NRXN3: variants seen among roughly 807,000 people sequenced by gnomAD.
NRXN3 encodes the protein neurexin 3, also known as neurexin III.
In NRXN3, 32 loss-of-function variants were observed where a neutral mutation model predicts 137.6. That is an observed-to-expected ratio of 0.23 (90% CI 0.18 to 0.31). The LOEUF (loss-of-function observed/expected upper bound fraction) is 0.31, where lower values mean the gene tolerates loss of function less well. Among genes scored for constraint, NRXN3 ranks in the 10% least tolerant of loss-of-function variants. The pLI is 1.00. For missense variants in NRXN3, 1,574 were observed against 2,062.5 expected, an observed-to-expected ratio of 0.76 and a Z score of 4.59; for synonymous variants, 798 against 784.5, an observed-to-expected ratio of 1.02 and a Z score of -0.29.
chr14:79,137,125 T>C (rs2058316284), intron 15 of NRXN3, among the ~76,000 whole-genome samples: 1 of 152,242 alleles, frequency 6.6e-6, no homozygotes, highest in Non-Finnish European at 1.5e-5. Flanking sequence ...GGATTCTGCA[T>C]GCTGCCTGCT....
intron 10 of NRXN3, among the ~76,000 whole-genome samples, chr14:78,832,652 G>T (rs961901596): frequency 6.6e-6 from 1 of 152,106 alleles, no homozygotes; most frequent in African/African-American, 2.4e-5. Flanking sequence ...TCAAAGGCAG[G>T]CACCATTGTA....
intron 15 of NRXN3, among the ~76,000 whole-genome samples, chr14:79,327,948 T>C (rs1287100454): frequency 6.6e-5 from 10 of 152,212 alleles, no homozygotes. Flanking sequence ...TTTTTCTTGA[T>C]ATCTTTCCCT....
chr14:78,249,338 G>C (rs939287820), intron 2 of NRXN3, among the ~76,000 whole-genome samples: 10 of 152,232 alleles, frequency 6.6e-5, no homozygotes, highest in Admixed American at 6.5e-5. Flanking sequence ...ATTTGCATTT[G>C]GTAATGAGAT....
rs76916229 is a variant in NRXN3 at position 79,458,035 on chromosome 14, T to C, written c.3263-9186T>C. Among the ~76,000 whole-genome samples, 421 of 152,292 alleles carry C rather than the reference T, an allele frequency of 2.8e-3. 4 individuals are homozygous for C. The highest frequency in any genetic ancestry group is 9.9e-3 in the African/African-American group (410 of 41,580). On this transcript the variant is annotated intron_variant, in intron 15 of 20. Coordinates refer to ENST00000335750, the MANE Select transcript of NRXN3 (RefSeq NM_001330195.2). ...TATTTTGCTTATGAACAAATGTATA[T>C]ATGGTCTTTGCTTTTAGTTAATGCT...
intron 16 of NRXN3, among the ~76,000 whole-genome samples, chr14:79,663,245 C>T (rs751419983): frequency 7.5e-5 from 11 of 146,290 alleles, no homozygotes; most frequent in South Asian, 6.4e-4. Flanking sequence ...TGTGTGTGTA[C>T]GCGTGTGTGT....
intron 16 of NRXN3, among the ~76,000 whole-genome samples, chr14:79,623,654 G>C (rs1019444170): frequency 6.6e-5 from 10 of 152,094 alleles, no homozygotes; most frequent in Non-Finnish European, 1.3e-4. Context: ...GCTTTTAAAG[G>C]AATGACAACT....
At chr14:78,813,829 GA>G (rs1276031580) in intron 10 of NRXN3, among the ~76,000 whole-genome samples, 2 of 152,064 alleles carry the variant, frequency 1.3e-5, no homozygotes, top group Non-Finnish European at 1.5e-5. Context: ...ATCTTGAGGG[GA>G]AAAAAAGCAG....
At chr14:79,638,571 G>A (rs886732803) in intron 16 of NRXN3, among the ~76,000 whole-genome samples, 19 of 152,036 alleles carry the variant, frequency 1.2e-4, no homozygotes, top group South Asian at 4.2e-4. Flanking sequence ...GTAATGATTA[G>A]GTATTTATAC....
At chr14:78,728,829 G>A (rs1595250146) in intron 8 of NRXN3, among the ~76,000 whole-genome samples, 1 of 152,182 alleles carries the variant, frequency 6.6e-6, no homozygotes, top group Admixed American at 6.5e-5. Context: ...AACCCAGGAG[G>A]CGGAGGTTGC....
chr14:79,251,794 T>C (rs528518637), intron 15 of NRXN3, among the ~76,000 whole-genome samples: 28 of 152,156 alleles, frequency 1.8e-4, no homozygotes, highest in African/African-American at 6.5e-4. Flanking sequence ...TTTTTCTCTC[T>C]TTTATTCTCT....
intron 15 of NRXN3, among the ~76,000 whole-genome samples, chr14:79,232,250 G>A (rs1205020789): frequency 4.6e-5 from 7 of 152,022 alleles, no homozygotes; most frequent in Admixed American, 1.3e-4. Flanking sequence ...CTTTGTGTGT[G>A]TGCGCGCGCA....
At chr14:79,318,203 T>C (rs2089276990) in intron 15 of NRXN3, among the ~76,000 whole-genome samples, 1 of 152,210 alleles carries the variant, frequency 6.6e-6, no homozygotes, top group Non-Finnish European at 1.5e-5. Context: ...TCAAGCATTT[T>C]CAAGAACATG....
chr14:78,634,823 T>G (rs1189308889), intron 4 of NRXN3, among the ~76,000 whole-genome samples: 3 of 152,174 alleles, frequency 2.0e-5, no homozygotes, highest in African/African-American at 7.2e-5. Context: ...TAGTGATCAC[T>G]ATATAGCTAT....
At chr14:78,208,574 A>C (rs1293149275) in intron 1 of NRXN3, among the ~76,000 whole-genome samples, 1 of 152,154 alleles carries the variant, frequency 6.6e-6, no homozygotes, top group African/African-American at 2.4e-5. Context: ...TCCCTGAGCT[A>C]CTTCTGTGCC....
intron 1 of NRXN3, among the ~76,000 whole-genome samples, chr14:78,172,659 GA>G (rs1308259773): frequency 6.6e-6 from 1 of 152,100 alleles, no homozygotes; most frequent in African/African-American, 2.4e-5. Context: ...GGAAGGGGGG[GA>G]AAAGGCTGGA....
At chr14:78,873,655 C>T (rs2099106623) in intron 10 of NRXN3, among the ~76,000 whole-genome samples, 1 of 152,130 alleles carries the variant, frequency 6.6e-6, no homozygotes, top group African/African-American at 2.4e-5. Flanking sequence ...AAAACAGCAG[C>T]AAAAGCATAT....
Position 79,105,799 on chromosome 14 carries a change from T to C in NRXN3, c.3262+117658T>C, listed in dbSNP as rs79974754. Among the ~76,000 whole-genome samples, 962 of 152,266 alleles carry C rather than the reference T, an allele frequency of 6.3e-3. 4 individuals carry two copies. The highest frequency in any genetic ancestry group is 0.01 in the Non-Finnish European group (692 of 68,010). Reference sequence around the variant, plus strand: ...GAGAGAATGTCAAAGGTACTGGGCCTGGGGCAGGTTCACAAGAGTGAAAGT... The same window carrying C: ...GAGAGAATGTCAAAGGTACTGGGCCCGGGGCAGGTTCACAAGAGTGAAAGT... On this transcript the variant is annotated intron_variant, in intron 15 of 20. Transcript: ENST00000335750.
At chr14:79,356,260 C>T (rs767134872) in intron 15 of NRXN3, among the ~76,000 whole-genome samples, 2 of 152,166 alleles carry the variant, frequency 1.3e-5, no homozygotes, top group Non-Finnish European at 2.9e-5. Flanking sequence ...CTTAGTTTCT[C>T]TTGCTGTCTT....
chr14:79,099,092 C>T (rs2050829834), intron 15 of NRXN3, among the ~76,000 whole-genome samples: 1 of 152,060 alleles, frequency 6.6e-6, no homozygotes. Context: ...AGTTTCTGAG[C>T]TAAAGGAAAA....
Sources: gnomAD v4.1 joint callset for allele counts (sites outside exome capture counted in the v4.1 genomes callset) on GRCh38, gnomAD v4.1.1 for gene constraint, MANE v1.5 for transcripts, NCBI Gene and HGNC (gene_info 2026-07-23, HGNC 2026-07-21) for gene names.